SUPT20H: variants seen among roughly 807,000 people sequenced by gnomAD.
SUPT20H encodes the protein SPT20 homolog, SAGA complex component, also known as transcription factor SPT20 homolog.
SUPT20H carries 82 observed loss-of-function variants against 122.8 expected under a neutral mutation model. That is an observed-to-expected ratio of 0.67 (90% CI 0.56 to 0.80). SUPT20H has a LOEUF of 0.80. SUPT20H is among the 30% of genes least tolerant of loss of function. SUPT20H has a pLI of 0.00. For missense variants in SUPT20H, 831 were observed against 921.6 expected (o/e 0.90, Z 1.27); for synonymous variants, 291 against 313.0 (o/e 0.93, Z 0.74).
intron 1 of SUPT20H, chr13:37,056,852 CA>C (rs1468739816): frequency 1.3e-5 from 2 of 152,068 alleles, no homozygotes. Flanking sequence ...TGCAGAGCTT[CA>C]AACTGTGGGA....
Position 37,022,096 on chromosome 13 carries a change from T to G in SUPT20H, c.1592-16A>C. 1 of 1,614,130 alleles carries G rather than the reference T, an allele frequency of 6.2e-7. No individual in the cohort carries two copies. Among genetic ancestry groups the G allele is most frequent in the Non-Finnish European group, 8.5e-7 (1 of 1,179,998 alleles). Reference sequence around the variant, plus strand: ...GCCGTGGTTCCTGGAGTTATAGATGTTACCATGGTGGAAAGAGGAATGGTT... The same window carrying G: ...GCCGTGGTTCCTGGAGTTATAGATGGTACCATGGTGGAAAGAGGAATGGTT... On this transcript the variant is annotated splice_polypyrimidine_tract_variant and intron_variant, in intron 19 of 25. Coordinates refer to ENST00000350612, the MANE Select transcript of SUPT20H (RefSeq NM_001014286.3). The surrounding 1 kb of genome is among the most constrained non-coding windows in gnomAD (Gnocchi z 4.5).
intron 9 of SUPT20H, among the ~76,000 whole-genome samples, chr13:37,034,421 C>G (rs146043883): frequency 2.6e-5 from 4 of 152,340 alleles, no homozygotes; most frequent in Admixed American, 6.5e-5. Context: ...GATAGAAGAT[C>G]AAACTAGTTG....
chr13:37,036,435 C>T (rs1351344273), intron 9 of SUPT20H, among the ~76,000 whole-genome samples: 1 of 151,994 alleles, frequency 6.6e-6, no homozygotes, highest in Non-Finnish European at 1.5e-5. Context: ...AACAGTTCTC[C>T]TGCCTCAGCT....
chr13:37,012,166 G>A (rs755886551), intron 24 of SUPT20H, 26 bp downstream of exon 24: 1 of 1,526,964 alleles, frequency 6.5e-7, no homozygotes, highest in Non-Finnish European at 9.1e-7. Context: ...AGTAAATTCA[G>A]CATATAAAGT....
intron 4 of SUPT20H, 111 bp downstream of exon 4, chr13:37,047,767 C>T (rs911741646): frequency 3.5e-5 from 44 of 1,252,014 alleles, no homozygotes; most frequent in Non-Finnish European, 4.4e-5. Context: ...ATTCCTAATA[C>T]ATGCAAAGAA....
In SUPT20H at chr13:37,050,100, G is replaced by A. The variant is rs115416545; in HGVS notation, c.3+1388C>T. On this transcript the variant is annotated intron_variant, in intron 2 of 25. Transcript: ENST00000350612. ...ATTTGTATAATTCCAAAAATAGTGG[G>A]CCTTCTTGCACTGTTCAATAAAAAA... Among the ~76,000 whole-genome samples, 231 of 152,148 alleles carry A rather than the reference G, an allele frequency of 1.5e-3. 1 individual carries two copies. The highest frequency in any genetic ancestry group is 5.4e-3 in the African/African-American group (223 of 41,524).
At chr13:37,025,949 T>C (rs2062181959) in intron 16 of SUPT20H, 2 of 346,114 alleles carry the variant, frequency 5.8e-6, no homozygotes, top group Admixed American at 9.2e-5. Flanking sequence ...GAACCATTCT[T>C]AGTAGTTTGG....
At chr13:37,044,056 T>A in intron 7 of SUPT20H, 22 bp downstream of exon 7, 1 of 1,552,468 alleles carries the variant, frequency 6.4e-7, no homozygotes, top group Non-Finnish European at 8.9e-7. Flanking sequence ...ATAAAGACAT[T>A]TTAAAGACAA....
intron 23 of SUPT20H, chr13:37,012,983 G>C (rs1274755961): frequency 6.6e-6 from 1 of 152,056 alleles, no homozygotes; most frequent in Non-Finnish European, 1.5e-5. Context: ...TCTAGATAAG[G>C]ACATATACTA....
At chr13:37,047,775 G>T in intron 4 of SUPT20H, 103 bp downstream of exon 4, 6 of 1,286,346 alleles carry the variant, frequency 4.7e-6, no homozygotes, top group Non-Finnish European at 6.3e-6. Context: ...TACATGCAAA[G>T]AACCTATAAA....
intron 2 of SUPT20H, among the ~76,000 whole-genome samples, chr13:37,050,740 T>C (rs1245827372): frequency 1.3e-5 from 2 of 152,182 alleles, no homozygotes; most frequent in Non-Finnish European, 2.9e-5. Context: ...GTAATATAGA[T>C]GCAAAATACA....
At chr13:37,039,583 C>T (rs1313010792) in intron 9 of SUPT20H, 1 of 152,128 alleles carries the variant, frequency 6.6e-6, no homozygotes, top group Non-Finnish European at 1.5e-5. Context: ...ACTTCTGCAC[C>T]ACAATGCCTC....
At chr13:37,043,289 G>A (rs1251792784) in intron 7 of SUPT20H, among the ~76,000 whole-genome samples, 15 of 152,160 alleles carry the variant, frequency 9.9e-5, no homozygotes, top group Non-Finnish European at 1.6e-4. Context: ...AGGAGGAAAC[G>A]AGAGTTCTCA....
At chr13:37,017,123 T>C (rs1357415093) in intron 23 of SUPT20H, 122 bp downstream of exon 23, 9 of 1,382,940 alleles carry the variant, frequency 6.5e-6, no homozygotes, top group African/African-American at 2.9e-5. Context: ...ATTGCTACTA[T>C]TGTTAATAAA....
intron 2 of SUPT20H, 33 bp from the exon 3 acceptor site, chr13:37,048,632 T>C: frequency 6.4e-7 from 1 of 1,566,430 alleles, no homozygotes; most frequent in Non-Finnish European, 8.6e-7. Flanking sequence ...TTGGTAATAT[T>C]AGTTATTTCC....
At chr13:37,039,533 A>G (rs984200765) in intron 9 of SUPT20H, 1 of 152,176 alleles carries the variant, frequency 6.6e-6, no homozygotes, top group African/African-American at 2.4e-5. Context: ...AAGTTAGCCA[A>G]AGCTTCGGCA....
At chr13:37,018,412 T>C (rs1175223166) in intron 22 of SUPT20H, among the ~76,000 whole-genome samples, 1 of 152,202 alleles carries the variant, frequency 6.6e-6, no homozygotes, top group East Asian at 1.9e-4. Flanking sequence ...TCTGTAAACA[T>C]ACTGCATCGT....
In SUPT20H at chr13:37,014,006, A is replaced by G. The variant is rs576935897; in HGVS notation, c.1993-1709T>C. Reference sequence around the variant, plus strand: ...AATGTAGACTATAAGCCACCACCACAAATGGAATATTCAAACAAGGAGGAA... The same window carrying G: ...AATGTAGACTATAAGCCACCACCACGAATGGAATATTCAAACAAGGAGGAA... On this transcript the variant is annotated intron_variant, in intron 23 of 25. Transcript: ENST00000350612. 3.3e-5 allele frequency: 5 copies of G among 152,228 alleles called. No homozygotes were observed. In the East Asian group the frequency reaches 9.6e-4, roughly 29 times the overall value. 9.4% of individuals were successfully genotyped at this position (152,228 alleles called of 1,614,324 possible).
intron 1 of SUPT20H, chr13:37,056,895 A>G (rs1255264066): frequency 6.6e-6 from 1 of 152,152 alleles, no homozygotes; most frequent in Non-Finnish European, 1.5e-5. Flanking sequence ...AGACTGATTA[A>G]GTGGTCTAGA....
Sources: gnomAD v4.1 joint callset for allele counts (sites outside exome capture counted in the v4.1 genomes callset) on GRCh38, gnomAD v4.1.1 for gene constraint, Gnocchi (gnomAD v3.1) non-coding constraint, MANE v1.5 for transcripts, NCBI Gene and HGNC (gene_info 2026-07-23, HGNC 2026-07-21) for gene names.